The following CYP3A43 variants were observed in gnomAD, a reference collection of about 807,000 sequenced individuals.
CYP3A43 encodes cytochrome P450 family 3 subfamily A member 43, also known as cytochrome P450 3A43.
A neutral mutation model predicts 58.0 loss-of-function variants in CYP3A43; 45 were observed. The observed-to-expected ratio is 0.78, with a 90% confidence interval of 0.61 to 0.99. The LOEUF (loss-of-function observed/expected upper bound fraction) is 0.99, where lower values mean the gene tolerates loss of function less well. Among genes scored for constraint, CYP3A43 ranks in the 50% least tolerant of loss-of-function variants. The probability of loss-of-function intolerance (pLI) is 0.00; values close to 1 mark genes in which losing one functional copy is unlikely to be tolerated. For missense variants in CYP3A43, 593 were observed against 591.9 expected (o/e 1.00, Z -0.02); for synonymous variants, 191 against 201.4 (o/e 0.95, Z 0.44).
chr7:99,850,866 G>T (rs888287922), intron 7 of CYP3A43, among the ~76,000 whole-genome samples: 17 of 152,032 alleles, frequency 1.1e-4, no homozygotes, highest in Admixed American at 1.0e-3. Flanking sequence ...ATATTTCATT[G>T]TATAGATATG....
intron 9 of CYP3A43, among the ~76,000 whole-genome samples, chr7:99,859,368 C>T (rs1037923215): frequency 5.2e-4 from 79 of 152,256 alleles, no homozygotes; most frequent in Non-Finnish European, 6.3e-4. Context: ...TTTATATTTC[C>T]CTAAAATCAA....
Position 99,857,027 on chromosome 7 carries a change from G to A in CYP3A43, c.865+128G>A, listed in dbSNP as rs1029616550. On this transcript the variant is annotated intron_variant, in intron 9 of 12. Coordinates refer to ENST00000354829, the MANE Select transcript of CYP3A43 (RefSeq NM_057095.3). ...CCACATTGCAGAAAGGCACACATTTGGATGTTATAAATGATAGCTGGAGGC... is the reference window on the plus strand; with the variant it reads ...CCACATTGCAGAAAGGCACACATTTAGATGTTATAAATGATAGCTGGAGGC... 3.5e-6 allele frequency: 4 copies of A among 1,155,040 alleles called. No individual in the cohort carries two copies. The African/African-American group carries it at 6.3e-5, about 18-fold the overall frequency. 71.5% of individuals were successfully genotyped at this position (1,155,040 alleles called of 1,614,324 possible). A position where few individuals can be genotyped will look rare whatever the true frequency, so the allele number is the denominator to read the frequency against.
At chr7:99,860,864 C>T (rs1212097695) in intron 10 of CYP3A43, among the ~76,000 whole-genome samples, 1 of 149,314 alleles carries the variant, frequency 6.7e-6, no homozygotes, top group African/African-American at 2.6e-5. Context: ...TTTTATATAA[C>T]ATAGTGTTAC....
intron 1 of CYP3A43, among the ~76,000 whole-genome samples, chr7:99,835,878 T>C (rs144285958): frequency 3.9e-5 from 6 of 152,326 alleles, no homozygotes; most frequent in African/African-American, 1.2e-4. Context: ...ATTTGCAGCA[T>C]TTGCAGTAAT....
chr7:99,855,395 G>T (rs1178821269), intron 7 of CYP3A43, 196 bp from the exon 8 acceptor site: 1 of 550,042 alleles, frequency 1.8e-6, no homozygotes, highest in Non-Finnish European at 3.0e-6. Flanking sequence ...CCCTATGTGT[G>T]GATCTGCTCT....
intron 7 of CYP3A43, among the ~76,000 whole-genome samples, chr7:99,852,114 A>G (rs1817784930): frequency 6.6e-6 from 1 of 152,200 alleles, no homozygotes; most frequent in Non-Finnish European, 1.5e-5. Context: ...TGGACCAGAG[A>G]CATGTGGATG....
chr7:99,837,187 C>CGG (rs34065537), intron 2 of CYP3A43, among the ~76,000 whole-genome samples: 2 of 148,420 alleles, frequency 1.3e-5, no homozygotes, highest in Non-Finnish European at 1.5e-5. Context: ...GGCGCAGTGG[C>CGG]GGGCGCCTGT....
Position 99,844,144 on chromosome 7 carries a change from C to T in CYP3A43, c.220C>T (p.Leu74=), listed in dbSNP as rs757979352. Residue 74 remains leucine, a splice_region_variant and synonymous_variant, in exon 4 of 13, where the codon CTG becomes TTG. Coordinates refer to ENST00000354829, the MANE Select transcript of CYP3A43 (RefSeq NM_057095.3). Reference sequence around the variant, plus strand: ...TCAGCTCTGTTTTCCCCCACACAGGCTGTATGAGGGGCAACAGCCCATGCT... The same window carrying T: ...TCAGCTCTGTTTTCCCCCACACAGGTTGTATGAGGGGCAACAGCCCATGCT... The part of the protein sequence containing the change: ...CNEKYGEMWG[L]YEGQQPMLVI... 6.2e-7 allele frequency: 1 copy of T among 1,612,616 alleles called. No homozygotes were observed. Among genetic ancestry groups the T allele is most frequent in the Admixed American group, 1.7e-5 (1 of 59,810 alleles).
chr7:99,859,753 A>G, intron 9 of CYP3A43, 77 bp from the exon 10 acceptor site: 1 of 1,576,114 alleles, frequency 6.3e-7, no homozygotes. Flanking sequence ...TGGGAGCTTC[A>G]CTGGAATTTT....
At chr7:99,862,998 T>C (rs775040819) in intron 11 of CYP3A43, among the ~76,000 whole-genome samples, 7 of 152,214 alleles carry the variant, frequency 4.6e-5, no homozygotes, top group Non-Finnish European at 8.8e-5. Context: ...TGTCAGGAAC[T>C]GGGCCAGGCA....
At chr7:99,858,181 T>C (rs1286449260) in intron 9 of CYP3A43, among the ~76,000 whole-genome samples, 1 of 152,346 alleles carries the variant, frequency 6.6e-6, no homozygotes, top group East Asian at 1.9e-4. Flanking sequence ...ATCTACACTT[T>C]GAGATTATGA....
intron 1 of CYP3A43, among the ~76,000 whole-genome samples, chr7:99,833,275 G>A (rs1028382827): frequency 2.0e-5 from 3 of 152,162 alleles, no homozygotes; most frequent in Non-Finnish European, 4.4e-5. Flanking sequence ...ACATCCAGAG[G>A]ACTGAGCTCT....
chr7:99,829,054 A>G (rs551366801), intron 1 of CYP3A43, among the ~76,000 whole-genome samples: 1 of 152,214 alleles, frequency 6.6e-6, no homozygotes, highest in Admixed American at 6.5e-5. Context: ...GCCACTCCCT[A>G]CTTTTTAGCT....
At chr7:99,842,869 T>G (rs671673) in intron 3 of CYP3A43, among the ~76,000 whole-genome samples, 29,596 of 152,078 alleles carry the variant, frequency 0.19, 5,826 homozygotes, top group African/African-American at 0.51. Context: ...AATCTTTTAG[T>G]ATACATATCC....
In CYP3A43 at chr7:99,838,972, GAA is replaced by G. The variant is rs4646470; in HGVS notation, c.166-139_166-138del. The G allele has an allele frequency of 1.4e-5, 12 of 855,298 alleles. No individual in the cohort carries two copies. The African/African-American group carries it at 1.6e-4, about 11-fold the overall frequency. The allele number at this position is 855,298 out of a possible 1,614,324, so 53.0% of individuals were successfully genotyped here. On this transcript the variant is annotated intron_variant, in intron 2 of 12. Transcript: ENST00000354829. ...TCCAGCCTGGGCAGCAGAAAAAAAG[GAA>G]AAAAAAAAGATTCCCTCTAACTGCC...
At chr7:99,848,859 G>A (rs529396302) in intron 6 of CYP3A43, among the ~76,000 whole-genome samples, 1 of 152,368 alleles carries the variant, frequency 6.6e-6, no homozygotes, top group East Asian at 1.9e-4. Flanking sequence ...TGTAAGCTGA[G>A]CCTGTCCTGG....
intron 6 of CYP3A43, 150 bp from the exon 7 acceptor site, chr7:99,849,396 T>C (rs990449106): frequency 1.4e-5 from 13 of 907,570 alleles, no homozygotes; most frequent in Non-Finnish European, 1.9e-5. Context: ...AAATGCCTCA[T>C]GAGTATGATG....
At chr7:99,845,383 C>T (rs1313169902) in intron 4 of CYP3A43, among the ~76,000 whole-genome samples, 2 of 151,786 alleles carry the variant, frequency 1.3e-5, no homozygotes, top group Admixed American at 6.6e-5. Context: ...AGTGCAGTGG[C>T]GCGATCTCAG....
At chr7:99,848,511 G>C (rs1003373717) in intron 6 of CYP3A43, among the ~76,000 whole-genome samples, 1 of 152,160 alleles carries the variant, frequency 6.6e-6, no homozygotes, top group African/African-American at 2.4e-5. Flanking sequence ...TATTCCAAAA[G>C]AATAATACAT....
Sources: allele counts gnomAD v4.1 joint callset (sites outside exome capture counted in the v4.1 genomes callset), GRCh38; gene constraint gnomAD v4.1.1; transcripts MANE v1.5; gene names NCBI Gene and HGNC (gene_info 2026-07-23, HGNC 2026-07-21).